The following FYN variants were observed in gnomAD, a reference collection of about 807,000 sequenced individuals.
FYN encodes tyrosine-protein kinase Fyn.
FYN carries 10 observed loss-of-function variants against 70.2 expected under a neutral mutation model. The ratio of observed to expected loss-of-function variants is 0.14; its 90% CI spans 0.09 to 0.24. The LOEUF (loss-of-function observed/expected upper bound fraction) is 0.24, where lower values mean the gene tolerates loss of function less well. Among genes scored for constraint, FYN ranks in the 10% least tolerant of loss-of-function variants. The pLI is 1.00. For synonymous variants in FYN, 236 were observed against 248.6 expected (o/e 0.95, Z 0.48); for missense variants, 319 against 673.1 (o/e 0.47, Z 5.82).
At chr6:111,782,655 C>T (rs1304166915) in intron 2 of FYN, among the ~76,000 whole-genome samples, 1 of 152,184 alleles carries the variant, frequency 6.6e-6, no homozygotes, top group Non-Finnish European at 1.5e-5. Context: ...ATAATGCCTG[C>T]CTTCCTGGGG....
intron 2 of FYN, among the ~76,000 whole-genome samples, chr6:111,843,653 C>T (rs916431030): frequency 1.3e-5 from 2 of 152,076 alleles, no homozygotes; most frequent in African/African-American, 4.8e-5. Flanking sequence ...GTCTTATCGC[C>T]ACATAATGCT....
intron 5 of FYN, among the ~76,000 whole-genome samples, chr6:111,711,210 C>T (rs706881): frequency 0.024 from 3,597 of 151,960 alleles, 150 homozygotes; most frequent in African/African-American, 0.077. Flanking sequence ...CATTTTATGT[C>T]GGTAACAATT....
intron 3 of FYN, among the ~76,000 whole-genome samples, chr6:111,766,124 T>TC (rs1803220946): frequency 6.6e-6 from 1 of 152,150 alleles, no homozygotes; most frequent in East Asian, 1.9e-4. Context: ...CTTATGAGTG[T>TC]CAGGCATCAT....
intron 1 of FYN, among the ~76,000 whole-genome samples, chr6:111,855,333 G>C (rs1773797212): frequency 6.6e-6 from 1 of 152,100 alleles, no homozygotes; most frequent in Non-Finnish European, 1.5e-5. Context: ...ATTTGATTTT[G>C]CAGGAATAAT....
intron 2 of FYN, among the ~76,000 whole-genome samples, chr6:111,792,996 C>T (rs545082047): frequency 6.6e-6 from 1 of 152,196 alleles, no homozygotes; most frequent in East Asian, 1.9e-4. Context: ...TATCAGTGCA[C>T]TTAAGAATTT....
intron 2 of FYN, among the ~76,000 whole-genome samples, chr6:111,805,991 C>T (rs1772135156): frequency 6.6e-6 from 1 of 152,060 alleles, no homozygotes; most frequent in South Asian, 2.1e-4. Context: ...GCTCTTGAGG[C>T]AGTTGAAGAC....
At chr6:111,867,971 T>C (rs898014783) in intron 1 of FYN, among the ~76,000 whole-genome samples, 4 of 152,198 alleles carry the variant, frequency 2.6e-5, no homozygotes, top group African/African-American at 9.7e-5. Context: ...AGCCCTGAAC[T>C]AACTGCAGTT....
intron 2 of FYN, among the ~76,000 whole-genome samples, chr6:111,797,665 CATATATATATATATATATATATAT>C (rs57984132): frequency 0.07 from 6,354 of 90,946 alleles, 554 homozygotes; most frequent in African/African-American, 0.17. Context: ...ATCAAAGTTT[CATATATATATATATATATATATAT>C]ATATATATAT....
At chr6:111,725,286 A>T (rs375137878) in intron 3 of FYN, among the ~76,000 whole-genome samples, 1 of 152,184 alleles carries the variant, frequency 6.6e-6, no homozygotes, top group Non-Finnish European at 1.5e-5. Context: ...ACATTCAGAG[A>T]CAGTTGAGTA....
intron 1 of FYN, among the ~76,000 whole-genome samples, chr6:111,848,147 T>C (rs1409836): frequency 0.032 from 4,834 of 152,316 alleles, 117 homozygotes; most frequent in East Asian, 0.13. Context: ...GGAACATGTA[T>C]AGAGTGGAAC....
intron 3 of FYN, among the ~76,000 whole-genome samples, chr6:111,722,730 T>C (rs1385921568): frequency 1.3e-5 from 2 of 152,152 alleles, no homozygotes; most frequent in South Asian, 2.1e-4. Flanking sequence ...TCCTGATACC[T>C]ACTGGGTAGA....
At chr6:111,765,792 A>T (rs1365705149) in intron 3 of FYN, among the ~76,000 whole-genome samples, 1 of 149,904 alleles carries the variant, frequency 6.7e-6, no homozygotes, top group South Asian at 2.1e-4. Context: ...AAAAAAAAAG[A>T]TCCTTGCAGC....
At chr6:111,731,851 G>C (rs962036428) in intron 3 of FYN, among the ~76,000 whole-genome samples, 1 of 152,172 alleles carries the variant, frequency 6.6e-6, no homozygotes, top group African/African-American at 2.4e-5. Flanking sequence ...CACCCTGGGT[G>C]AGCCCAGGGT....
At chr6:111,759,540 C>T (rs1362657908) in intron 3 of FYN, among the ~76,000 whole-genome samples, 2 of 152,212 alleles carry the variant, frequency 1.3e-5, no homozygotes, top group Non-Finnish European at 2.9e-5. Context: ...TGCTCACTCC[C>T]AGGCACCCAG....
intron 12 of FYN, among the ~76,000 whole-genome samples, chr6:111,674,943 A>G (rs1798467685): frequency 6.6e-6 from 1 of 152,210 alleles, no homozygotes; most frequent in African/African-American, 2.4e-5. Context: ...ATAAACATAC[A>G]TAGGATTTAG....
intron 9 of FYN, chr6:111,699,524 C>T: frequency 6.2e-7 from 1 of 1,613,424 alleles, no homozygotes; most frequent in Non-Finnish European, 8.5e-7. Context: ...CCAAGCCACA[C>T]TTCAGCGAAA....
At chr6:111,862,776 T>C (rs566222843) in intron 1 of FYN, among the ~76,000 whole-genome samples, 1 of 152,210 alleles carries the variant, frequency 6.6e-6, no homozygotes, top group African/African-American at 2.4e-5. Flanking sequence ...TAGGAGGCAA[T>C]TGAGAGATAC....
At chr6:111,743,195 G>A (rs1802059285) in intron 3 of FYN, among the ~76,000 whole-genome samples, 1 of 152,104 alleles carries the variant, frequency 6.6e-6, no homozygotes, top group Non-Finnish European at 1.5e-5. Context: ...TTGAACTCCT[G>A]ACCTCGTGAT....
In FYN at chr6:111,730,505, G is replaced by C. The variant is rs539119312; in HGVS notation, c.-11-10443C>G. ...AGTGAGGTCATGAAGACCACGCATG[G>C]GCTTGGCTCTAGGAAGGTGGAGAGG... On this transcript the variant is annotated intron_variant, in intron 3 of 13. Transcript: ENST00000354650. Among the ~76,000 whole-genome samples the C allele has an allele frequency of 2.6e-5, 4 of 152,276 alleles. No individual in the cohort carries two copies. In the South Asian group the frequency reaches 8.3e-4, roughly 32 times the overall value.
Sources: gnomAD v4.1 joint callset for allele counts (sites outside exome capture counted in the v4.1 genomes callset) on GRCh38, gnomAD v4.1.1 for gene constraint, MANE v1.5 for transcripts, NCBI Gene and HGNC (gene_info 2026-07-23, HGNC 2026-07-21) for gene names.